The following ZNF616 variants were observed in gnomAD, a reference collection of about 807,000 sequenced individuals.
The protein encoded by ZNF616 is zinc finger protein 616.
In ZNF616, 5 loss-of-function variants were observed where a neutral mutation model predicts 7.6. The observed-to-expected ratio is 0.66, with a 90% CI of 0.34 to 1.38. ZNF616 has a LOEUF of 1.38. ZNF616 is among the 40% of genes most tolerant of loss of function. The probability of loss-of-function intolerance (pLI) is 0.04; values close to 1 mark genes in which losing one functional copy is unlikely to be tolerated. For synonymous variants in ZNF616, 319 were observed against 317.2 expected, an observed-to-expected ratio of 1.01 and a Z score of -0.06; for missense variants, 913 against 948.3, an observed-to-expected ratio of 0.96 and a Z score of 0.49.
Position 52,116,582 on chromosome 19 carries a change from A to G in ZNF616, c.582T>C (p.Phe194=). The G allele has an allele frequency of 6.2e-7, 1 of 1,614,084 alleles. No individual in the cohort carries two copies. The highest frequency in any genetic ancestry group is 8.5e-7 in the Non-Finnish European group (1 of 1,179,998). The change falls in exon 4 of 4, where the codon TTT becomes TTC. Residue 194 remains phenylalanine (F), a synonymous_variant. Coordinates refer to ENST00000600228, the MANE Select transcript of ZNF616 (RefSeq NM_178523.5). The part of the protein sequence containing the change: ...TYVCNECGKA[F]KASSSLINHQ... ...GATTAATAAGGCTGGAAGACGCTTT[A>G]AAGGCTTTGCCACATTCATTACATA... is the stretch of plus-strand genomic sequence containing the variant.
chr19:52,137,001 T>A (rs1379772943), intron 1 of ZNF616, among the ~76,000 whole-genome samples: 2 of 150,634 alleles, frequency 1.3e-5, no homozygotes, highest in African/African-American at 4.9e-5. Flanking sequence ...AAAGTGCCCA[T>A]CCAGGAATGA....
At chr19:52,124,252 T>A (rs1336240383) in intron 2 of ZNF616, among the ~76,000 whole-genome samples, 2 of 152,212 alleles carry the variant, frequency 1.3e-5, no homozygotes, top group African/African-American at 4.8e-5. Context: ...AGTGTATAGT[T>A]CTATTTTTGT....
intron 1 of ZNF616, among the ~76,000 whole-genome samples, chr19:52,135,734 G>A (rs1458886840): frequency 1.3e-5 from 2 of 152,164 alleles, no homozygotes; most frequent in Non-Finnish European, 2.9e-5. Flanking sequence ...ACATCCTGAA[G>A]AATATTTTGG....
At chr19:52,126,989 A>G (rs2088914328) in intron 2 of ZNF616, among the ~76,000 whole-genome samples, 1 of 152,096 alleles carries the variant, frequency 6.6e-6, no homozygotes, top group African/African-American at 2.4e-5. Context: ...TTTTTGGAAG[A>G]CATGGTGACA....
chr19:52,128,387 T>C (rs2088928098), intron 2 of ZNF616, among the ~76,000 whole-genome samples: 2 of 152,164 alleles, frequency 1.3e-5, no homozygotes, highest in African/African-American at 4.8e-5. Context: ...TCATATTCTG[T>C]AGTTAAATTT....
At chr19:52,133,839 T>C (rs2088984137) in intron 1 of ZNF616, among the ~76,000 whole-genome samples, 1 of 152,000 alleles carries the variant, frequency 6.6e-6, no homozygotes, top group South Asian at 2.1e-4. Flanking sequence ...AAGCCTAATG[T>C]CTATTAGTTA....
At chr19:52,122,775 C>T (rs1406077021) in intron 3 of ZNF616, among the ~76,000 whole-genome samples, 5 of 151,510 alleles carry the variant, frequency 3.3e-5, no homozygotes, top group African/African-American at 1.2e-4. Context: ...GCTGGGACTA[C>T]AGGCGCCCAC....
rs184411679 is a variant in ZNF616 at position 52,131,245 on chromosome 19, G to A, written c.-76-657C>T. On this transcript the variant is annotated intron_variant, in intron 1 of 3. Transcript: ENST00000600228. ...ATCAAGCCACTGCACTCCAGCCTGG[G>A]CGACAGAGACTCTGTCACCAAAAAA... Among the ~76,000 whole-genome samples the A allele has an allele frequency of 7.2e-5, 10 of 139,354 alleles. No homozygotes were observed. The East Asian group carries it at 1.9e-3, about 26-fold the overall frequency. The allele number at this position is 139,354 out of a possible 152,430, so 91.4% of individuals were successfully genotyped here. A position where few individuals can be genotyped will look rare whatever the true frequency, so the allele number is the denominator to read the frequency against.
intron 3 of ZNF616, among the ~76,000 whole-genome samples, chr19:52,121,720 T>C (rs1328670192): frequency 1.3e-5 from 2 of 152,064 alleles, no homozygotes; most frequent in Non-Finnish European, 2.9e-5. Flanking sequence ...AGACATTCTA[T>C]TCAATAAAGG....
chr19:52,136,938 C>T (rs2089014404), intron 1 of ZNF616, among the ~76,000 whole-genome samples: 1 of 151,406 alleles, frequency 6.6e-6, no homozygotes, highest in Admixed American at 6.6e-5. Context: ...GAACTTCTGC[C>T]CCCTCATGAT....
At chr19:52,121,010 C>T (rs536379185) in intron 3 of ZNF616, among the ~76,000 whole-genome samples, 1 of 152,360 alleles carries the variant, frequency 6.6e-6, no homozygotes, top group Admixed American at 6.5e-5. Context: ...TTCAGAACTT[C>T]ACACAGAACA....
rs575497352 is a variant in ZNF616, at chr19:52,130,541, C to T, written c.-29G>A. On this transcript the variant is annotated 5_prime_UTR_variant, in exon 2 of 4. Coordinates refer to ENST00000600228, the MANE Select transcript of ZNF616 (RefSeq NM_178523.5). ...TGACTCCTTTTCCTTCCTCTTCTTC[C>T]TCTTCTGGGTTTCTTTCTCAGTCAA... 2 of 1,602,580 alleles carry T rather than the reference C, an allele frequency of 1.2e-6. No individual in the cohort carries two copies. Among genetic ancestry groups the T allele is most frequent in the South Asian group, 1.1e-5 (1 of 89,720 alleles).
chr19:52,130,474 C>T (rs1306562797), intron 2 of ZNF616, 27 bp downstream of exon 2: 11 of 1,592,638 alleles, frequency 6.9e-6, no homozygotes, highest in Admixed American at 6.7e-5. Context: ...AAGAATATCA[C>T]TTCACTTGAG....
chr19:52,124,134 T>C, intron 2 of ZNF616, 85 bp from the exon 3 acceptor site: 1 of 1,496,386 alleles, frequency 6.7e-7, no homozygotes, highest in Non-Finnish European at 8.9e-7. Flanking sequence ...TCACATCACT[T>C]TGAAGTGTGT....
At chr19:52,123,341 G>A (rs1264412383) in intron 3 of ZNF616, among the ~76,000 whole-genome samples, 2 of 152,166 alleles carry the variant, frequency 1.3e-5, no homozygotes, top group Non-Finnish European at 2.9e-5. Context: ...GGGAGGCTGA[G>A]GCGGGTGGAT....
At chr19:52,133,419 C>A (rs1282595361) in intron 1 of ZNF616, among the ~76,000 whole-genome samples, 3 of 152,024 alleles carry the variant, frequency 2.0e-5, no homozygotes, top group African/African-American at 7.3e-5. Flanking sequence ...CTCTTTTTAA[C>A]TTATATTTTA....
chr19:52,132,545 C>A (rs530110020), intron 1 of ZNF616, among the ~76,000 whole-genome samples: 4 of 152,178 alleles, frequency 2.6e-5, no homozygotes, highest in Non-Finnish European at 5.9e-5. Flanking sequence ...TTCGCACCAC[C>A]CCTTGGTGCT....
In ZNF616 at chr19:52,139,364, C is replaced by A. The variant is rs1420228349; in HGVS notation, c.-77+368G>T. On this transcript the variant is annotated intron_variant, in intron 1 of 3. Coordinates refer to ENST00000600228, the MANE Select transcript of ZNF616 (RefSeq NM_178523.5). The surrounding 1 kb of genome is among the most constrained non-coding windows in gnomAD (Gnocchi z 4.1). ...CAGCCTGGGGAGGGGAAGGACCCGG[C>A]GTGAGGAGGACACTAGGTGGCGCGC... Among the ~76,000 whole-genome samples the A allele has an allele frequency of 6.6e-6, 1 of 152,108 alleles. No individual in the cohort carries two copies. The highest frequency in any genetic ancestry group is 2.4e-5 in the African/African-American group (1 of 41,418).
rs2088797020 is a variant in ZNF616, at chr19:52,114,541, A to G, written c.*277T>C. ...AAGGCAAAGCGGGTGTCGGTATTTC[A>G]CATGGTGAGAATGAGGGCAAGCGAC... On this transcript the variant is annotated 3_prime_UTR_variant, in exon 4 of 4. Transcript: ENST00000600228. 9.4e-6 allele frequency: 3 copies of G among 319,730 alleles called. No individual in the cohort carries two copies. Among genetic ancestry groups the G allele is most frequent in the African/African-American group, 2.1e-5 (1 of 46,644 alleles). The allele number at this position is 319,730 out of a possible 1,614,324, so 19.8% of individuals were successfully genotyped here.
Sources: gnomAD v4.1 joint callset for allele counts (sites outside exome capture counted in the v4.1 genomes callset) on GRCh38, gnomAD v4.1.1 for gene constraint, Gnocchi (gnomAD v3.1) non-coding constraint, MANE v1.5 for transcripts, NCBI Gene and HGNC (gene_info 2026-07-23, HGNC 2026-07-21) for gene names.